Variants in ZNF704 observed in about 807,000 individuals in gnomAD.
ZNF704 encodes the protein glucocorticoid induced gene 1.
Under a neutral mutation model 44.7 loss-of-function variants are expected in ZNF704, and 10 were observed. The observed-to-expected ratio is 0.22, with a 90% CI of 0.14 to 0.38. ZNF704 has a LOEUF of 0.38. Ranked by LOEUF, ZNF704 falls within the 10% of genes least tolerant of loss-of-function variation. The pLI is 1.00. For missense variants in ZNF704, 390 were observed against 545.5 expected (o/e 0.71, Z 2.84); for synonymous variants, 211 against 207.6 (o/e 1.02, Z -0.14).
chr8:80,770,914 GTTGT>G (rs1005572415), intron 2 of ZNF704, among the ~76,000 whole-genome samples: 20 of 152,192 alleles, frequency 1.3e-4, no homozygotes, highest in East Asian at 1.9e-4. Flanking sequence ...GTTTTTTGTT[GTTGT>G]TTGTTTGTTT....
chr8:80,651,650 CAGCCAGATTCATAA>C (rs1817922099), intron 7 of ZNF704, among the ~76,000 whole-genome samples: 1 of 152,140 alleles, frequency 6.6e-6, no homozygotes, highest in Admixed American at 6.5e-5. Flanking sequence ...AATACAGGAG[CAGCCAGATTCATAA>C]AGCAAGTCCT....
chr8:80,847,780 C>T (rs149235642), intron 1 of ZNF704, among the ~76,000 whole-genome samples: 35 of 152,252 alleles, frequency 2.3e-4, no homozygotes, highest in East Asian at 9.6e-4. Flanking sequence ...GAACTTCAGC[C>T]GAAACCTCAC....
At chr8:80,883,618 T>C in the ZNF704 span, among the ~76,000 whole-genome samples, 1 of 152,244 alleles carries the variant, frequency 6.6e-6, no homozygotes, top group Non-Finnish European at 1.5e-5. Context: ...AGGGTCATTT[T>C]CTACTTTCCA....
intron 2 of ZNF704, among the ~76,000 whole-genome samples, chr8:80,796,988 G>A (rs1417174652): frequency 1.3e-5 from 2 of 150,610 alleles, no homozygotes; most frequent in East Asian, 2.0e-4. Flanking sequence ...AGGGAGGGAG[G>A]GAGGAAGGAA....
At chr8:80,772,498 G>A (rs55642931) in intron 2 of ZNF704, among the ~76,000 whole-genome samples, 2,549 of 152,194 alleles carry the variant, frequency 0.017, 76 homozygotes, top group African/African-American at 0.058. Context: ...TTACATGGCC[G>A]AAGCAGGAAG....
chr8:80,850,325 TC>T (rs1808837229), intron 1 of ZNF704, among the ~76,000 whole-genome samples: 1 of 152,054 alleles, frequency 6.6e-6, no homozygotes, highest in Non-Finnish European at 1.5e-5. Context: ...TGCAGCTTCT[TC>T]TTTTCTTATA....
intron 4 of ZNF704, among the ~76,000 whole-genome samples, chr8:80,685,400 G>GT (rs1257944480): frequency 6.6e-6 from 1 of 152,034 alleles, no homozygotes; most frequent in East Asian, 1.9e-4. Context: ...ACCCTGGGCC[G>GT]TGAGTCCTTG....
chr8:80,803,507 T>C (rs1024292965), intron 2 of ZNF704, among the ~76,000 whole-genome samples: 1 of 152,058 alleles, frequency 6.6e-6, no homozygotes, highest in African/African-American at 2.4e-5. Flanking sequence ...TGGAACAGAA[T>C]AGAGAACTCA....
intron 2 of ZNF704, among the ~76,000 whole-genome samples, chr8:80,781,121 G>A (rs930023283): frequency 3.3e-5 from 5 of 152,068 alleles, no homozygotes; most frequent in Admixed American, 1.3e-4. Context: ...CTCACTGTTC[G>A]CCTAGGGGTG....
intron 2 of ZNF704, chr8:80,776,990 T>A (rs1807423983): frequency 6.6e-6 from 1 of 152,204 alleles, no homozygotes; most frequent in South Asian, 2.1e-4. Context: ...ATTTGTTCAG[T>A]TTATTCTAGG....
chr8:80,840,440 C>T (rs182488123), intron 1 of ZNF704, among the ~76,000 whole-genome samples: 233 of 152,256 alleles, frequency 1.5e-3, no homozygotes, highest in Non-Finnish European at 2.7e-3. Context: ...ATTGGACACC[C>T]CCGCTCTAAA....
At chr8:80,695,570 T>C (rs1199378923) in intron 2 of ZNF704, among the ~76,000 whole-genome samples, 1 of 152,226 alleles carries the variant, frequency 6.6e-6, no homozygotes, top group Non-Finnish European at 1.5e-5. Context: ...TTCAGGGACC[T>C]TTTTGCCCCT....
intron 5 of ZNF704, among the ~76,000 whole-genome samples, chr8:80,665,846 T>C (rs1001519958): frequency 1.3e-5 from 2 of 151,878 alleles, no homozygotes; most frequent in African/African-American, 2.4e-5. Flanking sequence ...TTTTTCATGA[T>C]TGTAAGTTTC....
chr8:80,668,180 TTC>T (rs1437684480), intron 5 of ZNF704, among the ~76,000 whole-genome samples: 3 of 152,250 alleles, frequency 2.0e-5, no homozygotes, highest in Non-Finnish European at 4.4e-5. Context: ...GGTGCTTCTC[TTC>T]TCTAGAAACC....
At chr8:80,681,052 G>C (rs973160822) in intron 4 of ZNF704, among the ~76,000 whole-genome samples, 5 of 151,934 alleles carry the variant, frequency 3.3e-5, no homozygotes, top group Non-Finnish European at 5.9e-5. Flanking sequence ...TCAGTAGTTT[G>C]CTCCCTTTTA....
intron 2 of ZNF704, among the ~76,000 whole-genome samples, chr8:80,794,294 G>A (rs953439917): frequency 6.6e-6 from 1 of 152,048 alleles, no homozygotes; most frequent in Non-Finnish European, 1.5e-5. Flanking sequence ...AGAGAAACTC[G>A]AGCTTCTTCA....
At chr8:80,780,805 C>A (rs1196761042) in intron 2 of ZNF704, among the ~76,000 whole-genome samples, 1 of 152,098 alleles carries the variant, frequency 6.6e-6, no homozygotes, top group Non-Finnish European at 1.5e-5. Flanking sequence ...AGGGAGCACA[C>A]CCCTGCTGGA....
At position 80,837,619 on chromosome 8, in the gene ZNF704, C is replaced by T. The variant is rs118096003; in HGVS notation, c.-21-16004G>A. ...TTTCTATGGATCACAGGAAATCCAG[C>T]CCCCTACTCCCCCAATGAGTTTTAA... is the stretch of plus-strand genomic sequence containing the variant. On this transcript the variant is annotated intron_variant, in intron 1 of 8. Coordinates refer to ENST00000327835, the MANE Select transcript of ZNF704 (RefSeq NM_001033723.3). Among the ~76,000 whole-genome samples, 547 of 152,314 alleles carry T rather than the reference C, an allele frequency of 3.6e-3. 2 individuals are homozygous for T. The highest frequency in any genetic ancestry group is 0.014 in the Middle Eastern group (4 of 294).
chr8:80,740,880 C>T (rs760091448), intron 2 of ZNF704, among the ~76,000 whole-genome samples: 37 of 152,338 alleles, frequency 2.4e-4, no homozygotes, highest in Non-Finnish European at 4.1e-4. Context: ...TCCTTTGGTA[C>T]GTGGATGATT....
Sources: allele counts gnomAD v4.1 joint callset (sites outside exome capture counted in the v4.1 genomes callset), GRCh38; gene constraint gnomAD v4.1.1; transcripts MANE v1.5; gene names NCBI Gene and HGNC (gene_info 2026-07-23, HGNC 2026-07-21).